Variants in TRIP11 observed in about 807,000 individuals in gnomAD.
TRIP11 encodes the protein thyroid receptor-interacting protein 11.
A neutral mutation model predicts 223.1 loss-of-function variants in TRIP11; 148 were observed. That is an observed-to-expected ratio of 0.66 (90% confidence interval 0.58 to 0.76). TRIP11 has a LOEUF of 0.76. Among genes scored for constraint, TRIP11 ranks in the 30% least tolerant of loss-of-function variants. The pLI, the probability that TRIP11 is intolerant of heterozygous loss-of-function variation, is 0.00. For synonymous variants in TRIP11, 762 were observed against 772.6 expected, an observed-to-expected ratio of 0.99 and a Z score of 0.23; for missense variants, 2,043 against 2,222.0, an observed-to-expected ratio of 0.92 and a Z score of 1.62.
At chr14:92,029,291 T>A (rs908051069) in intron 2 of TRIP11, among the ~76,000 whole-genome samples, 751 of 74,804 alleles carry the variant, frequency 0.01, 15 homozygotes, top group African/African-American at 0.027. Flanking sequence ...TTTTTTTTTT[T>A]TTTTTTTTTT....
chr14:91,988,323 C>G lies in TRIP11; in HGVS notation c.5221G>C (p.Asp1741His). ...TCTTCAATTTGTTCTTCTTTTACAT[C>G]TAACTGTTCTGTAAGTCTTGATGCT... ...DSASRLTEQL[D>H]VKEEQIEELK... Residue 1741 changes from aspartate (D) to histidine (H), a missense_variant, in exon 16 of 21, where the codon GAT becomes CAT. Coordinates refer to ENST00000267622, the MANE Select transcript of TRIP11 (RefSeq NM_004239.4). The G allele has an allele frequency of 6.2e-7, 1 of 1,613,620 alleles. No homozygotes were observed. Among genetic ancestry groups the G allele is most frequent in the Non-Finnish European group, 8.5e-7 (1 of 1,179,886 alleles).
At chr14:92,021,457 A>G in intron 4 of TRIP11, 99 bp downstream of exon 4, 2 of 1,174,452 alleles carry the variant, frequency 1.7e-6, no homozygotes, top group South Asian at 2.7e-5. Flanking sequence ...TTCCTAGTCC[A>G]GGGTTCTTTC....
chr14:92,003,801 T>C lies in TRIP11; in HGVS notation c.4175A>G (p.Asp1392Gly). Residue 1392 changes from aspartate (D) to glycine (G), a missense_variant, in exon 11 of 21, where the codon GAT (aspartate) becomes GGT (glycine). Coordinates refer to ENST00000267622, the MANE Select transcript of TRIP11 (RefSeq NM_004239.4). The part of the protein sequence containing the change: ...ELERKEHEQT[D>G]SEIKQLKEKQ... ...CTCCTTTAGCTGCTTGATTTCTGAA[T>C]CGGTTTGTTCGTGTTCTTTTCTTTC... 1 of 1,614,196 alleles carries C rather than the reference T, an allele frequency of 6.2e-7. No homozygotes were observed. Among genetic ancestry groups the C allele is most frequent in the African/African-American group, 1.3e-5 (1 of 75,064 alleles).
At position 91,995,368 on chromosome 14, in the gene TRIP11, T is replaced by C. The variant is rs752179518; in HGVS notation, c.5040A>G (p.Leu1680=). ...AGAGCTTACCTTGTTGGAAATGCTC[T>C]AGTACCATCTGCAGGTTGGCCAGTG... is the stretch of plus-strand genomic sequence containing the variant. The part of the protein sequence containing the change: ...ALSLANLQMV[L]EHFQQEEKAM... The change falls in exon 14 of 21, where the codon CTA becomes CTG. Residue 1680 remains leucine (L), a synonymous_variant. Coordinates refer to ENST00000267622, the MANE Select transcript of TRIP11 (RefSeq NM_004239.4). 3.1e-6 allele frequency: 5 copies of C among 1,613,638 alleles called. No homozygotes were observed. In the East Asian group the frequency reaches 8.9e-5, roughly 29 times the overall value.
intron 9 of TRIP11, among the ~76,000 whole-genome samples, chr14:92,008,780 T>G (rs2056936690): frequency 6.6e-6 from 1 of 152,128 alleles, no homozygotes; most frequent in Non-Finnish European, 1.5e-5. Flanking sequence ...GCAGAAGGAT[T>G]ACTTGAGCCA....
intron 12 of TRIP11, 61 bp from the exon 13 acceptor site, chr14:91,999,494 T>C: frequency 6.5e-7 from 1 of 1,526,830 alleles, no homozygotes; most frequent in Non-Finnish European, 9.0e-7. Context: ...TACAAACCAT[T>C]TTGTTATCAA....
rs368669455 is a variant in TRIP11, at chr14:92,034,036, C to T, written c.140-783G>A. ...CTTTACCCCCACCTCCCTTTGTGCC[C>T]GAGCACTCCCTCTGTATGTGTTTTA... is the stretch of plus-strand genomic sequence containing the variant. On this transcript the variant is annotated intron_variant, in intron 1 of 20. Transcript: ENST00000267622. Among the ~76,000 whole-genome samples, 10 of 152,246 alleles carry T rather than the reference C, an allele frequency of 6.6e-5. No individual in the cohort carries two copies. The East Asian group carries it at 1.4e-3, about 21-fold the overall frequency.
Position 91,969,919 on chromosome 14 carries a change from C to T in TRIP11, c.5720-26G>A, listed in dbSNP as rs115760606. The T allele has an allele frequency of 1.1e-3, 1,765 of 1,598,118 alleles. 21 individuals carry two copies. In the African/African-American group the frequency reaches 0.021, roughly 19 times the overall value. ...CTAAAGAATAAAATATGGATTTAGTCTCCTATCTTTCACAAAGAAGTCAAA... is the reference window on the plus strand; with the variant it reads ...CTAAAGAATAAAATATGGATTTAGTTTCCTATCTTTCACAAAGAAGTCAAA... On this transcript the variant is annotated intron_variant, in intron 20 of 20. Coordinates refer to ENST00000267622, the MANE Select transcript of TRIP11 (RefSeq NM_004239.4).
chr14:92,022,127 G>C (rs569316205), intron 3 of TRIP11, among the ~76,000 whole-genome samples: 14 of 152,322 alleles, frequency 9.2e-5, no homozygotes, highest in Non-Finnish European at 2.1e-4. Context: ...TCTCTGCATG[G>C]AGTAGTATAG....
In TRIP11 at chr14:92,004,283, T is replaced by C. The variant is rs2056868385; in HGVS notation, c.3693A>G (p.Thr1231=). 1 of 1,614,128 alleles carries C rather than the reference T, an allele frequency of 6.2e-7. No homozygotes were observed. Among genetic ancestry groups the C allele is most frequent in the Non-Finnish European group, 8.5e-7 (1 of 1,180,016 alleles). ...CTGACTCGTGTTGCATATTTTGTAC[T>C]GTGGTCATCACCTGCTGCTTCCACT... The part of the protein sequence containing the change: ...MEEWKQQVMT[T]VQNMQHESAQ... The change falls in exon 11 of 21, where the codon ACA becomes ACG. Residue 1231 remains threonine (T), a synonymous_variant. Coordinates refer to ENST00000267622, the MANE Select transcript of TRIP11 (RefSeq NM_004239.4).
rs1315712677 is a variant in TRIP11, at chr14:92,037,082, G to A, written c.139+2465C>T. Among the ~76,000 whole-genome samples, 3 of 152,146 alleles carry A rather than the reference G, an allele frequency of 2.0e-5. No homozygotes were observed. Among genetic ancestry groups the A allele is most frequent in the Non-Finnish European group, 2.9e-5 (2 of 68,032 alleles). ...AATAAATTAGGTGTTAAGCAAGTCC[G>A]ATTGAAATACAAAGGGGAAAGAATA... On this transcript the variant is annotated intron_variant, in intron 1 of 20. Coordinates refer to ENST00000267622, the MANE Select transcript of TRIP11 (RefSeq NM_004239.4). The surrounding 1 kb of genome is among the most constrained non-coding windows in gnomAD (Gnocchi z 4.2).
intron 5 of TRIP11, among the ~76,000 whole-genome samples, chr14:92,016,221 T>C (rs1041084053): frequency 1.3e-5 from 2 of 152,218 alleles, no homozygotes; most frequent in Admixed American, 1.3e-4. Flanking sequence ...CTGTACCTGC[T>C]GTTCCACTAC....
intron 13 of TRIP11, among the ~76,000 whole-genome samples, chr14:91,996,455 C>T (rs2056752082): frequency 6.6e-6 from 1 of 152,158 alleles, no homozygotes; most frequent in Non-Finnish European, 1.5e-5. Context: ...GGCAAAAGGA[C>T]TGTTTGAGCC....
At position 91,999,286 on chromosome 14, in the gene TRIP11, A is replaced by G. The variant is rs755045261; in HGVS notation, c.4846T>C (p.Leu1616=). Reference sequence around the variant, plus strand: ...GAGGATGAAACTAGCTTTTCCTCCAATACTGTGACTTTCTTTCTTAGTTTA... The same window carrying G: ...GAGGATGAAACTAGCTTTTCCTCCAGTACTGTGACTTTCTTTCTTAGTTTA... ...EAKLRKKVTV[L]EEKLVSSSNA... The change falls in exon 13 of 21, where the codon TTG becomes CTG. Residue 1616 remains leucine, a synonymous_variant. Transcript: ENST00000267622. 2.5e-6 allele frequency: 4 copies of G among 1,613,810 alleles called. No individual in the cohort carries two copies. Among genetic ancestry groups the G allele is most frequent in the East Asian group, 4.5e-5 (2 of 44,848 alleles).
intron 16 of TRIP11, chr14:91,977,349 C>T (rs2056478652): frequency 2.7e-6 from 1 of 372,626 alleles, no homozygotes; most frequent in East Asian, 7.8e-5. Flanking sequence ...ATACCTAACC[C>T]AACACCTGTT....
intron 4 of TRIP11, among the ~76,000 whole-genome samples, chr14:92,020,058 G>T (rs2057090750): frequency 6.6e-6 from 1 of 151,924 alleles, no homozygotes; most frequent in Admixed American, 6.6e-5. Context: ...GACCAGCCTG[G>T]GTAACATGGT....
chr14:91,998,200 C>T (rs1260907113), intron 13 of TRIP11, among the ~76,000 whole-genome samples: 1 of 152,090 alleles, frequency 6.6e-6, no homozygotes, highest in African/African-American at 2.4e-5. Context: ...GATGCATATA[C>T]AACTAATAGG....
chr14:92,021,461 T>G, intron 4 of TRIP11, 95 bp downstream of exon 4: 1 of 1,225,980 alleles, frequency 8.2e-7, no homozygotes, highest in South Asian at 1.3e-5. Context: ...TAGTCCAGGG[T>G]TCTTTCTGAT....
intron 18 of TRIP11, 119 bp from the exon 19 acceptor site, chr14:91,974,862 T>C: frequency 1.2e-6 from 1 of 859,346 alleles, no homozygotes; most frequent in Admixed American, 2.4e-5. Context: ...CAAGTCCTAG[T>C]AAATGTTTCC....
Sources: allele counts gnomAD v4.1 joint callset (sites outside exome capture counted in the v4.1 genomes callset), GRCh38; gene constraint gnomAD v4.1.1; non-coding constraint Gnocchi (gnomAD v3.1); transcripts MANE v1.5; gene names NCBI Gene and HGNC (gene_info 2026-07-23, HGNC 2026-07-21).